Variants in NLGN1 observed in about 807,000 individuals in gnomAD.
The protein encoded by NLGN1 is neuroligin 1.
NLGN1 carries 12 observed loss-of-function variants against 65.5 expected under a neutral mutation model. The observed-to-expected ratio is 0.18, with a 90% CI of 0.12 to 0.30. NLGN1 has a LOEUF of 0.30. Among genes scored for constraint, NLGN1 ranks in the 10% least tolerant of loss-of-function variants. The probability of loss-of-function intolerance (pLI) is 1.00; values close to 1 mark genes in which losing one functional copy is unlikely to be tolerated. For missense variants in NLGN1, 750 were observed against 1,007.1 expected (o/e 0.74, Z 3.46); for synonymous variants, 350 against 359.5 (o/e 0.97, Z 0.30).
chr3:173,560,989 A>G (rs569593787), intron 2 of NLGN1, among the ~76,000 whole-genome samples: 13 of 152,350 alleles, frequency 8.5e-5, no homozygotes, highest in East Asian at 1.9e-4. Context: ...ATATATAGCA[A>G]TCTATCAACT....
At chr3:173,433,397 G>A (rs973695566) in intron 1 of NLGN1, among the ~76,000 whole-genome samples, 3 of 152,058 alleles carry the variant, frequency 2.0e-5, no homozygotes, top group Admixed American at 6.5e-5. Flanking sequence ...CTCAGGCTCT[G>A]ATCCCTTTCT....
At chr3:173,853,160 G>C (rs1316939152) in intron 4 of NLGN1, among the ~76,000 whole-genome samples, 1 of 152,142 alleles carries the variant, frequency 6.6e-6, no homozygotes, top group Admixed American at 6.5e-5. Context: ...CAGGTTTTAG[G>C]TGTATCTTGT....
chr3:173,400,918 C>T (rs936193917), intron 1 of NLGN1, among the ~76,000 whole-genome samples: 1 of 152,178 alleles, frequency 6.6e-6, no homozygotes, highest in African/African-American at 2.4e-5. Context: ...CTTTATTTAT[C>T]TCACATAATA....
At chr3:173,930,885 T>C (rs1018664555) in intron 4 of NLGN1, among the ~76,000 whole-genome samples, 2 of 152,150 alleles carry the variant, frequency 1.3e-5, no homozygotes, top group Non-Finnish European at 2.9e-5. Flanking sequence ...TGGCCTCCAG[T>C]AAGTCACTAA....
At chr3:173,698,333 T>G (rs1327993723) in intron 3 of NLGN1, among the ~76,000 whole-genome samples, 3 of 152,202 alleles carry the variant, frequency 2.0e-5, no homozygotes, top group Non-Finnish European at 4.4e-5. Context: ...TTTTATGCCA[T>G]ATGAAAACAG....
At chr3:173,850,574 A>G (rs1449280235) in intron 4 of NLGN1, among the ~76,000 whole-genome samples, 1 of 152,204 alleles carries the variant, frequency 6.6e-6, no homozygotes, top group Non-Finnish European at 1.5e-5. Context: ...AGAGACATTC[A>G]TTCCAAGTGA....
intron 4 of NLGN1, among the ~76,000 whole-genome samples, chr3:174,160,659 A>G (rs115426300): frequency 6.7e-6 from 1 of 150,332 alleles, no homozygotes; most frequent in Non-Finnish European, 1.5e-5. Flanking sequence ...TCTCCTTCCT[A>G]TATAATATAT....
chr3:173,655,129 A>T (rs1444736097), intron 3 of NLGN1, among the ~76,000 whole-genome samples: 1 of 152,198 alleles, frequency 6.6e-6, no homozygotes, highest in African/African-American at 2.4e-5. Context: ...AAATAAAATT[A>T]AAATGCAGGG....
intron 4 of NLGN1, among the ~76,000 whole-genome samples, chr3:174,112,228 G>A (rs1170881711): frequency 6.6e-6 from 1 of 151,712 alleles, no homozygotes; most frequent in Admixed American, 6.6e-5. Context: ...AACTTTACAA[G>A]GTTGAAATGT....
At chr3:173,600,464 G>T (rs1322058464) in intron 2 of NLGN1, among the ~76,000 whole-genome samples, 5 of 152,006 alleles carry the variant, frequency 3.3e-5, no homozygotes, top group Non-Finnish European at 7.4e-5. Context: ...GGGACATAAA[G>T]ATATTTTTTA....
Position 173,482,901 on chromosome 3 carries a change from G to T in NLGN1, c.-321+47823G>T, listed in dbSNP as rs184185011. ...TCCCAGAATTAGAAGGGTAACTTAG[G>T]ACAAAAAACGTCTACTTTGATACCC... is the stretch of plus-strand genomic sequence containing the variant. On this transcript the variant is annotated intron_variant, in intron 2 of 6. Transcript: ENST00000457714. Among the ~76,000 whole-genome samples the T allele has an allele frequency of 3.0e-4, 45 of 151,948 alleles. 1 individual carries two copies. The highest frequency in any genetic ancestry group is 2.9e-3 in the Admixed American group (45 of 15,256).
At chr3:173,398,437 A>G (rs1717023920), upstream of NLGN1, 1 of 152,220 alleles carries the variant, frequency 6.6e-6, no homozygotes, top group Admixed American at 6.5e-5. Flanking sequence ...AGGTATTCCA[A>G]ACATTTAAAC....
chr3:173,608,878 TC>T (rs772323526), intron 3 of NLGN1, among the ~76,000 whole-genome samples: 6 of 151,932 alleles, frequency 3.9e-5, no homozygotes, highest in Non-Finnish European at 7.4e-5. Flanking sequence ...GCAGCCAATT[TC>T]CAAAAATATA....
chr3:174,083,500 C>A (rs16833127), intron 4 of NLGN1, among the ~76,000 whole-genome samples: 1 of 151,866 alleles, frequency 6.6e-6, no homozygotes, highest in African/African-American at 2.4e-5. Context: ...CAGTGTTCTT[C>A]GAAAACACAT....
intron 5 of NLGN1, among the ~76,000 whole-genome samples, chr3:174,276,812 G>A (rs1166419335): frequency 4.0e-5 from 6 of 151,810 alleles, no homozygotes; most frequent in African/African-American, 1.4e-4. Context: ...GGCTTCTTTT[G>A]AAATAATAAA....
At chr3:174,191,619 G>A (rs1732406682) in intron 4 of NLGN1, among the ~76,000 whole-genome samples, 1 of 152,162 alleles carries the variant, frequency 6.6e-6, no homozygotes, top group Non-Finnish European at 1.5e-5. Flanking sequence ...GTGCTTGTGT[G>A]AACAGGCCAC....
intron 3 of NLGN1, among the ~76,000 whole-genome samples, chr3:173,679,143 A>C (rs549750335): frequency 6.6e-6 from 1 of 152,136 alleles, no homozygotes; most frequent in African/African-American, 2.4e-5. Context: ...AAAAAAAGTA[A>C]AAAAGTACAG....
intron 3 of NLGN1, among the ~76,000 whole-genome samples, chr3:173,786,924 A>T (rs1335631401): frequency 6.6e-6 from 1 of 152,142 alleles, no homozygotes; most frequent in African/African-American, 2.4e-5. Context: ...AAAAATACAA[A>T]AAAGTAGCAG....
intron 4 of NLGN1, among the ~76,000 whole-genome samples, chr3:173,910,082 C>A (rs1255139805): frequency 3.3e-5 from 5 of 152,170 alleles, no homozygotes; most frequent in African/African-American, 1.2e-4. Context: ...AGACTTTATT[C>A]CAGGCACTTG....
Sources: gnomAD v4.1 joint callset for allele counts (sites outside exome capture counted in the v4.1 genomes callset) on GRCh38, gnomAD v4.1.1 for gene constraint, MANE v1.5 for transcripts, NCBI Gene and HGNC (gene_info 2026-07-23, HGNC 2026-07-21) for gene names.